MAN1B1: variants seen among roughly 807,000 people sequenced by gnomAD.
MAN1B1 encodes mannosidase alpha class 1B member 1, also known as endoplasmic reticulum mannosyl-oligosaccharide 1,2-alpha-mannosidase.
MAN1B1 carries 66 observed loss-of-function variants against 75.5 expected under a neutral mutation model. That is an observed-to-expected ratio of 0.87 (90% CI 0.72 to 1.07). The LOEUF is 1.07. MAN1B1 is among the 50% of genes least tolerant of loss of function. The probability of loss-of-function intolerance (pLI) is 0.00; values close to 1 mark genes in which losing one functional copy is unlikely to be tolerated. For missense variants in MAN1B1, 973 were observed against 912.5 expected, an observed-to-expected ratio of 1.07 and a Z score of -0.85; for synonymous variants, 453 against 382.8, an observed-to-expected ratio of 1.18 and a Z score of -2.14.
rs754631503 is a variant in MAN1B1 at position 137,087,173 on chromosome 9, G to A, written c.174G>A (p.Glu58=). The part of the protein sequence containing the change: ...DFISVTLSFG[E]NYDNSKSWRR... ...TCTCGGTGACGCTGAGCTTTGGCGA[G>A]AACTATGACAACAGCAAGAGTTGGC... Residue 58 remains glutamate (E), a synonymous_variant, in exon 1 of 13, where the codon GAG becomes GAA. Coordinates refer to ENST00000371589, the MANE Select transcript of MAN1B1 (RefSeq NM_016219.5). 7 of 1,594,582 alleles carry A rather than the reference G, an allele frequency of 4.4e-6. No individual in the cohort carries two copies. In the South Asian group the frequency reaches 4.5e-5, roughly 10 times the overall value.
chr9:137,088,505 T>C (rs560916417), intron 2 of MAN1B1: 27 of 1,262,920 alleles, frequency 2.1e-5, no homozygotes, highest in Admixed American at 8.9e-5. Flanking sequence ...TAGCGTGTGT[T>C]TGGAAAAGAC....
intron 1 of MAN1B1, chr9:137,087,495 A>G: frequency 1.5e-6 from 1 of 650,086 alleles, no homozygotes; most frequent in Non-Finnish European, 2.8e-6. Flanking sequence ...GCTTTTCTGC[A>G]AGGTCCTGGC....
intron 8 of MAN1B1, chr9:137,102,154 G>A (rs904364493): frequency 9.9e-5 from 44 of 444,580 alleles, no homozygotes; most frequent in Non-Finnish European, 1.7e-4. Flanking sequence ...GGTCGGTGCT[G>A]TTACACACAT....
At chr9:137,088,301 G>A (rs1339604712) in intron 2 of MAN1B1, 118 bp downstream of exon 2, 5 of 1,609,266 alleles carry the variant, frequency 3.1e-6, no homozygotes, top group Non-Finnish European at 3.4e-6. Context: ...GAATTGGCAA[G>A]AAATCAAGAT....
intron 8 of MAN1B1, chr9:137,104,590 AG>A (rs1277091674): frequency 5.8e-6 from 1 of 171,824 alleles, no homozygotes; most frequent in Non-Finnish European, 1.3e-5. Flanking sequence ...CATACGCGAA[AG>A]ATGCTTCAGA....
In MAN1B1 at chr9:137,103,961, T is replaced by G. The variant is rs537149465; in HGVS notation, c.1255-2164T>G. The G allele has an allele frequency of 1.8e-4, 80 of 438,624 alleles. 2 individuals carry two copies. The highest frequency in any genetic ancestry group is 1.2e-3 in the South Asian group (76 of 61,230). 27.2% of individuals were successfully genotyped at this position (438,624 alleles called of 1,614,324 possible). On this transcript the variant is annotated intron_variant, in intron 8 of 12. Transcript: ENST00000371589. ...GTTGCAGGCGTGCAGGTCGGTGGTG[T>G]TGCACATTCATGCTGTTGCAGGCAT...
rs546370277 is a variant in MAN1B1 at position 137,088,440 on chromosome 9, G to C, written c.328+257G>C. The stretch of plus-strand genomic sequence containing the variant: ...CCAGCCTCCCTTATAGAGTAAGTCA[G>C]CTGGTGGGCTTGAACACTCAGCCTA... On this transcript the variant is annotated intron_variant, in intron 2 of 12. Coordinates refer to ENST00000371589, the MANE Select transcript of MAN1B1 (RefSeq NM_016219.5). 4.5e-6 allele frequency: 7 copies of C among 1,544,918 alleles called. No individual in the cohort carries two copies. The African/African-American group carries it at 8.1e-5, about 18-fold the overall frequency.
At chr9:137,097,376 TC>T (rs1830680247) in intron 4 of MAN1B1, among the ~76,000 whole-genome samples, 1 of 152,244 alleles carries the variant, frequency 6.6e-6, no homozygotes, top group East Asian at 1.9e-4. Context: ...TCATAGCTGT[TC>T]CTGATGGCCA....
intron 3 of MAN1B1, among the ~76,000 whole-genome samples, chr9:137,092,557 A>C (rs1349160758): frequency 6.6e-6 from 1 of 152,138 alleles, no homozygotes; most frequent in Non-Finnish European, 1.5e-5. Flanking sequence ...CATTTTCTAA[A>C]TCATTTATCT....
intron 8 of MAN1B1, chr9:137,103,698 T>G (rs1830985097): frequency 2.4e-6 from 1 of 418,546 alleles, no homozygotes; most frequent in Non-Finnish European, 4.7e-6. Flanking sequence ...ACATTCACAC[T>G]GTTGCAGGCG....
chr9:137,106,187 G>A lies in MAN1B1; in HGVS notation c.1317G>A (p.Val439=), dbSNP rs1399008211. Residue 439 remains valine, a synonymous_variant, in exon 9 of 13, where the codon GTG becomes GTA. Transcript: ENST00000371589. ...TGTCTGGGAAGAAGGATGGGCTGGT[G>A]CCCATGTTCATCAATACCCACAGTG... ...HGLSGKKDGL[V]PMFINTHSGL... The A allele has an allele frequency of 6.2e-7, 1 of 1,612,460 alleles. No individual in the cohort carries two copies. The highest frequency in any genetic ancestry group is 8.5e-7 in the Non-Finnish European group (1 of 1,179,794).
At chr9:137,095,837 A>G (rs1169570514) in intron 3 of MAN1B1, among the ~76,000 whole-genome samples, 1 of 152,142 alleles carries the variant, frequency 6.6e-6, no homozygotes, top group Admixed American at 6.5e-5. Context: ...TCCATATGTC[A>G]TCGGAAGCTT....
intron 3 of MAN1B1, among the ~76,000 whole-genome samples, chr9:137,091,275 C>T (rs1224432677): frequency 1.3e-5 from 2 of 152,164 alleles, no homozygotes; most frequent in African/African-American, 4.8e-5. Context: ...GTGTTTCCAC[C>T]ACTCACAAGT....
At chr9:137,091,982 G>A (rs1271656710) in intron 3 of MAN1B1, among the ~76,000 whole-genome samples, 1 of 152,186 alleles carries the variant, frequency 6.6e-6, no homozygotes, top group Non-Finnish European at 1.5e-5. Context: ...TAGGGGCTTA[G>A]GAGAGAAAAT....
rs1313131935 is a variant in MAN1B1 at position 137,109,026 on chromosome 9, G to A, written c.*435G>A. The A allele has an allele frequency of 2.2e-6, 1 of 458,922 alleles. No homozygotes were observed. Among genetic ancestry groups the A allele is most frequent in the African/African-American group, 2.0e-5 (1 of 50,288 alleles). The allele number at this position is 458,922 out of a possible 1,614,324, so 28.4% of individuals were successfully genotyped here. A position where few individuals can be genotyped will look rare whatever the true frequency, so the allele number is the denominator to read the frequency against. ...GGCTGCCGTGACTCCAGAGGCCTGA[G>A]GCTCCAGGGCTGGCTCTGGTGTTTA... On this transcript the variant is annotated 3_prime_UTR_variant, in exon 13 of 13. Transcript: ENST00000371589.
chr9:137,088,640 A>C, intron 2 of MAN1B1: 1 of 693,946 alleles, frequency 1.4e-6, no homozygotes, highest in South Asian at 1.8e-5. Flanking sequence ...AATGGAAAAT[A>C]GGAAGGCAAA....
intron 3 of MAN1B1, chr9:137,094,573 C>CT (rs2130999106): frequency 5.9e-6 from 1 of 168,470 alleles, no homozygotes; most frequent in East Asian, 1.7e-4. Flanking sequence ...GACCCCATCT[C>CT]TATTAAAAAA....
rs1830964850 is a variant in MAN1B1 at position 137,103,402 on chromosome 9, G to A, written c.1254+1730G>A. The A allele has an allele frequency of 8.8e-6, 4 of 453,450 alleles. No homozygotes were observed. In the Admixed American group the frequency reaches 9.5e-5, roughly 11 times the overall value. 28.1% of individuals were successfully genotyped at this position (453,450 alleles called of 1,614,324 possible). On this transcript the variant is annotated intron_variant, in intron 8 of 12. Coordinates refer to ENST00000371589, the MANE Select transcript of MAN1B1 (RefSeq NM_016219.5). ...CATTCATGCTGTTGCAGGCGTGCAG[G>A]TCGGTGGTGTTACATTCACGCTGGT...
chr9:137,101,445 T>G, intron 7 of MAN1B1, 39 bp from the exon 8 acceptor site: 1 of 1,584,088 alleles, frequency 6.3e-7, no homozygotes, highest in Non-Finnish European at 8.6e-7. Flanking sequence ...GGCCTCTGGG[T>G]GACCTGAACG....
Sources: allele counts gnomAD v4.1 joint callset (sites outside exome capture counted in the v4.1 genomes callset), GRCh38; gene constraint gnomAD v4.1.1; transcripts MANE v1.5; gene names NCBI Gene and HGNC (gene_info 2026-07-23, HGNC 2026-07-21).